Variants in KAZN observed in about 807,000 individuals in gnomAD.
KAZN encodes the protein kazrin.
In KAZN, 40 loss-of-function variants were observed where a neutral mutation model predicts 87.4. The observed-to-expected ratio is 0.46, with a 90% confidence interval of 0.36 to 0.60. The LOEUF (loss-of-function observed/expected upper bound fraction) is 0.60, where lower values mean the gene tolerates loss of function less well. KAZN is among the 20% of genes least tolerant of loss of function. The pLI is 0.00. For missense variants in KAZN, 898 were observed against 1,073.9 expected, an observed-to-expected ratio of 0.84 and a Z score of 2.29; for synonymous variants, 466 against 458.3, an observed-to-expected ratio of 1.02 and a Z score of -0.22.
chr1:14,177,547 G>A (rs1027178823), intron 1 of KAZN, among the ~76,000 whole-genome samples: 2 of 152,128 alleles, frequency 1.3e-5, no homozygotes, highest in Non-Finnish European at 2.9e-5. Flanking sequence ...GGCAATTTCG[G>A]TTGGCAAGTT....
intron 4 of KAZN, among the ~76,000 whole-genome samples, chr1:15,046,414 G>C (rs1300419288): frequency 2.6e-5 from 4 of 152,060 alleles, no homozygotes; most frequent in Admixed American, 1.3e-4. Context: ...GGCTGAGGAG[G>C]AGGAGGGAGA....
intron 1 of KAZN, among the ~76,000 whole-genome samples, chr1:14,010,156 CTG>C (rs1640228170): frequency 6.6e-6 from 1 of 152,042 alleles, no homozygotes; most frequent in Non-Finnish European, 1.5e-5. Flanking sequence ...TACCATGGGT[CTG>C]AGATGTTAGT....
chr1:14,973,315 T>C (rs1232175070), intron 2 of KAZN, among the ~76,000 whole-genome samples: 1 of 152,226 alleles, frequency 6.6e-6, no homozygotes, highest in African/African-American at 2.4e-5. Flanking sequence ...GGAATAACGC[T>C]CAAAATCCTA....
intron 2 of KAZN, among the ~76,000 whole-genome samples, chr1:14,206,205 A>G (rs1646740700): frequency 6.6e-6 from 1 of 152,196 alleles, no homozygotes; most frequent in Non-Finnish European, 1.5e-5. Context: ...CAACAGGTTA[A>G]TATTTTCTTT....
In KAZN at chr1:14,949,948, G is replaced by A. The variant is rs987813455; in HGVS notation, c.227-10736G>A. ...CACCGAGGAGGGTCTGGCTAAAGGT[G>A]TGTTTACAGGCCAGCGGCTTCACCG... is the stretch of plus-strand genomic sequence containing the variant. On this transcript the variant is annotated intron_variant, in intron 1 of 14. Transcript: ENST00000376030. The surrounding 1 kb of genome is among the most constrained non-coding windows in gnomAD (Gnocchi z 4.3). 9.2e-5 allele frequency among the ~76,000 whole-genome samples: 14 copies of A among 152,076 alleles called. No individual in the cohort carries two copies. The highest frequency in any genetic ancestry group is 3.1e-4 in the African/African-American group (13 of 41,398).
chr1:14,957,684 G>A (rs915264341), intron 1 of KAZN, among the ~76,000 whole-genome samples: 1 of 152,204 alleles, frequency 6.6e-6, no homozygotes, highest in Admixed American at 6.5e-5. Flanking sequence ...ATGAAGAGGG[G>A]AGACGAGCTC....
chr1:14,105,961 G>T (rs150761990), intron 1 of KAZN, among the ~76,000 whole-genome samples: 81 of 152,272 alleles, frequency 5.3e-4, no homozygotes, highest in African/African-American at 1.8e-3. Flanking sequence ...TTCTCTACCC[G>T]CTCCTTGCAG....
chr1:14,145,460 A>C (rs1048279754), intron 1 of KAZN, among the ~76,000 whole-genome samples: 6 of 152,010 alleles, frequency 3.9e-5, no homozygotes, highest in African/African-American at 1.5e-4. Context: ...AAAGACACAC[A>C]CACACACCCA....
chr1:14,933,388 C>T (rs1362071667), intron 1 of KAZN, among the ~76,000 whole-genome samples: 1 of 152,084 alleles, frequency 6.6e-6, no homozygotes, highest in Non-Finnish European at 1.5e-5. Context: ...CCACCATGCC[C>T]GGCCAGGTTC....
chr1:14,558,160 A>G (rs1409820640), intron 2 of KAZN, among the ~76,000 whole-genome samples: 4 of 152,214 alleles, frequency 2.6e-5, no homozygotes, highest in Admixed American at 2.6e-4. Context: ...TCTGCAGAGA[A>G]GGCCCAGCTC....
At chr1:14,281,723 G>T (rs552032122) in intron 2 of KAZN, among the ~76,000 whole-genome samples, 52 of 152,334 alleles carry the variant, frequency 3.4e-4, no homozygotes, top group African/African-American at 1.2e-3. Flanking sequence ...CCTTCTGGAA[G>T]AAAAGTACAG....
intron 1 of KAZN, among the ~76,000 whole-genome samples, chr1:14,155,333 G>T (rs1369224598): frequency 6.6e-6 from 1 of 152,140 alleles, no homozygotes; most frequent in African/African-American, 2.4e-5. Context: ...GTTGCTGAAA[G>T]TAGTCACTAA....
At position 14,507,566 on chromosome 1, in the gene KAZN, T is replaced by C. The variant is rs1670652376; in HGVS notation, c.250-91417T>C. ...CACACCAGTAACGCAGAATTCTTTC[T>C]GAGAGTGGAACAGAGTGCATATAAG... On this transcript the variant is annotated intron_variant, in intron 2 of 16. Coordinates refer to the KAZN transcript ENST00000636203. Among the ~76,000 whole-genome samples, 5 of 152,188 alleles carry C rather than the reference T, an allele frequency of 3.3e-5. No individual in the cohort carries two copies. The South Asian group carries it at 1.0e-3, about 31-fold the overall frequency.
intron 2 of KAZN, among the ~76,000 whole-genome samples, chr1:14,326,137 A>C (rs780140010): frequency 1.3e-5 from 2 of 152,100 alleles, no homozygotes; most frequent in African/African-American, 4.8e-5. Flanking sequence ...TCTCATGGTC[A>C]TCTCAAACTT....
chr1:14,388,172 C>T (rs894229358), intron 2 of KAZN, among the ~76,000 whole-genome samples: 4 of 152,216 alleles, frequency 2.6e-5, no homozygotes, highest in African/African-American at 9.6e-5. Flanking sequence ...CCTGCTTCGG[C>T]TGGCACACGG....
intron 1 of KAZN, among the ~76,000 whole-genome samples, chr1:14,120,975 A>G (rs924899312): frequency 6.6e-6 from 1 of 152,208 alleles, no homozygotes; most frequent in East Asian, 1.9e-4. Context: ...GTGCTCTTCT[A>G]CTAGTCCACA....
Position 15,060,222 on chromosome 1 carries a change from G to A in KAZN, c.967G>A (p.Ala323Thr), listed in dbSNP as rs1387634794. The change falls in exon 6 of 15, where the codon GCA (alanine) becomes ACA (threonine). Residue 323 changes from alanine (A) to threonine (T), a missense_variant. Physicochemically the swap from Ala to Thr is moderately conservative, Grantham distance 58. Transcript: ENST00000376030. ...CCGGCAGCCCTCTGTCATCTCCGAC[G>A]CATCTGCCGCCGAAGGCGACCGGTC... ...HSRQPSVISD[A>T]SAAEGDRSST... The A allele has an allele frequency of 4.3e-6, 7 of 1,614,128 alleles. No homozygotes were observed. The highest frequency in any genetic ancestry group is 2.7e-5 in the African/African-American group (2 of 74,954).
chr1:14,855,272 T>A (rs140956971), intron 1 of KAZN, among the ~76,000 whole-genome samples: 1 of 152,354 alleles, frequency 6.6e-6, no homozygotes, highest in South Asian at 2.1e-4. Flanking sequence ...TTTTATCTAT[T>A]GCATTTTGTT....
At chr1:13,916,064 T>C (rs1639840427) in intron 1 of KAZN, among the ~76,000 whole-genome samples, 2 of 152,134 alleles carry the variant, frequency 1.3e-5, no homozygotes, top group South Asian at 4.1e-4. Context: ...GTCTTTGAGC[T>C]TTCACCAGCA....
Sources: allele counts gnomAD v4.1 joint callset (sites outside exome capture counted in the v4.1 genomes callset), GRCh38; gene constraint gnomAD v4.1.1; non-coding constraint Gnocchi (gnomAD v3.1); transcripts MANE v1.5; gene names NCBI Gene and HGNC (gene_info 2026-07-23, HGNC 2026-07-21).